Variants in PALD1 observed in about 807,000 individuals in gnomAD.
The protein encoded by PALD1 is phosphatase domain containing paladin 1.
A neutral mutation model predicts 96.0 loss-of-function variants in PALD1; 57 were observed. The ratio of observed to expected loss-of-function variants is 0.59; its 90% CI spans 0.48 to 0.74. PALD1 has a LOEUF of 0.74. PALD1 is among the 30% of genes least tolerant of loss of function. The probability of loss-of-function intolerance (pLI) is 0.00; values close to 1 mark genes in which losing one functional copy is unlikely to be tolerated. For synonymous variants in PALD1, 464 were observed against 473.6 expected (o/e 0.98, Z 0.26); for missense variants, 1,063 against 1,143.7 (o/e 0.93, Z 1.02).
At chr10:70,543,071 T>C (rs1295741424) in intron 17 of PALD1, among the ~76,000 whole-genome samples, 4 of 151,700 alleles carry the variant, frequency 2.6e-5, no homozygotes, top group Non-Finnish European at 5.9e-5. Flanking sequence ...GTTTTTTTTT[T>C]TTTTTTTTGG....
rs200519824 is a variant in PALD1 at position 70,537,278 on chromosome 10, A to AT, written c.1228-526dup. On this transcript the variant is annotated intron_variant, in intron 10 of 19. Transcript: ENST00000263563. ...ATGTGCCACCATGCCTAATTTTTGTATTTTTTTATAGAGATGGGGTTTTGC... is the reference window on the plus strand; with the variant it reads ...ATGTGCCACCATGCCTAATTTTTGTATTTTTTTTATAGAGATGGGGTTTTGC... 2.7e-3 allele frequency among the ~76,000 whole-genome samples: 414 copies of AT among 151,964 alleles called. 10 individuals are homozygous for AT. In the East Asian group the frequency reaches 0.05, roughly 18 times the overall value.
chr10:70,565,641 G>A (rs1847830720), intron 19 of PALD1, among the ~76,000 whole-genome samples: 1 of 152,162 alleles, frequency 6.6e-6, no homozygotes, highest in Non-Finnish European at 1.5e-5. Flanking sequence ...GCCTTGGGAC[G>A]TCAGGTGGAG....
chr10:70,475,134 AGGAGACTT>A (rs2132242766), upstream of PALD1, among the ~76,000 whole-genome samples: 1 of 152,356 alleles, frequency 6.6e-6, no homozygotes, highest in East Asian at 1.9e-4. Context: ...TTTACAAATG[AGGAGACTT>A]GGAGCAATGT....
upstream of PALD1, among the ~76,000 whole-genome samples, chr10:70,474,914 A>G (rs1301292064): frequency 6.6e-6 from 1 of 152,128 alleles, no homozygotes; most frequent in Non-Finnish European, 1.5e-5. Context: ...CAGATAGGGG[A>G]GGAGTCCAAG....
intron 10 of PALD1, among the ~76,000 whole-genome samples, chr10:70,535,432 T>C (rs1847090551): frequency 1.1e-5 from 1 of 87,328 alleles, no homozygotes; most frequent in South Asian, 4.9e-4. Flanking sequence ...CCCTTCCTCC[T>C]CCCCCCGCTT....
chr10:70,507,791 G>GTGTGTGTGT (rs1589184142), intron 1 of PALD1, among the ~76,000 whole-genome samples: 1 of 142,288 alleles, frequency 7.0e-6, no homozygotes, highest in Non-Finnish European at 1.5e-5. Flanking sequence ...GTGTGTGTGT[G>GTGTGTGTGT]GTGTATGTAT....
intron 4 of PALD1, among the ~76,000 whole-genome samples, chr10:70,530,409 C>G (rs1052662746): frequency 3.3e-5 from 5 of 152,318 alleles, no homozygotes; most frequent in African/African-American, 1.2e-4. Context: ...TCACAGCTAA[C>G]ACTTAAGTCC....
At chr10:70,504,497 T>C (rs536093973) in intron 1 of PALD1, among the ~76,000 whole-genome samples, 47 of 152,376 alleles carry the variant, frequency 3.1e-4, no homozygotes, top group African/African-American at 1.1e-3. Context: ...CACTCCAGCC[T>C]GGGTGACAGA....
intron 1 of PALD1, chr10:70,486,146 C>A: frequency 4.8e-6 from 1 of 207,364 alleles, no homozygotes; most frequent in South Asian, 9.7e-5. Flanking sequence ...CTTTGAAAAT[C>A]AGGAGGCAGG....
Position 70,547,453 on chromosome 10 carries a change from C to A in PALD1, c.2262+7C>A. ...CATCTGCACCTACCGCCAGGTGAGC[C>A]CCCACCCCACCCCACCCCACCCTGC... On this transcript the variant is annotated splice_region_variant and intron_variant, in intron 18 of 19. Transcript: ENST00000263563. The A allele has an allele frequency of 7.6e-6, 11 of 1,452,928 alleles. No homozygotes were observed. The highest frequency in any genetic ancestry group is 8.4e-6 in the Non-Finnish European group (9 of 1,070,308). 90.0% of individuals were successfully genotyped at this position (1,452,928 alleles called of 1,614,324 possible).
In PALD1 at chr10:70,532,634, C is replaced by T. The variant is rs773025697; in HGVS notation, c.647C>T (p.Ala216Val). 1.9e-6 allele frequency: 3 copies of T among 1,614,038 alleles called. No individual in the cohort carries two copies. Among genetic ancestry groups the T allele is most frequent in the Non-Finnish European group, 2.5e-6 (3 of 1,179,934 alleles). The change falls in exon 6 of 20, where the codon GCC becomes GTC. Residue 216 changes from alanine (A) to valine (V), a missense_variant. Coordinates refer to ENST00000263563, the MANE Select transcript of PALD1 (RefSeq NM_014431.3). ...LAIRKEIHDF[A>V]QLSENTYHVY... ...ACCTCCCTCTAGATCCACGACTTTG[C>T]CCAGCTGAGCGAGAACACATACCAT...
chr10:70,521,485 G>A (rs1303516971), intron 1 of PALD1, among the ~76,000 whole-genome samples: 3 of 152,124 alleles, frequency 2.0e-5, no homozygotes, highest in Non-Finnish European at 4.4e-5. Flanking sequence ...ATGGAAGAGG[G>A]CCTGTGTTTG....
In PALD1 at chr10:70,568,251, G is replaced by A. The variant is rs1367165241; in HGVS notation, c.*1518G>A. 2 of 152,780 alleles carry A rather than the reference G, an allele frequency of 1.3e-5. No homozygotes were observed. The highest frequency in any genetic ancestry group is 6.5e-5 in the Admixed American group (1 of 15,278). The allele number at this position is 152,780 out of a possible 1,614,324, so 9.5% of individuals were successfully genotyped here. On this transcript the variant is annotated 3_prime_UTR_variant, in exon 20 of 20. Transcript: ENST00000263563. ...GGGACTGAATGGGGAGGGATCCTTT[G>A]TGTTCTCATGGTTGGCTCTGACTTT...
the PALD1 span, among the ~76,000 whole-genome samples, chr10:70,463,089 A>G: frequency 6.6e-6 from 1 of 152,168 alleles, no homozygotes; most frequent in Non-Finnish European, 1.5e-5. Flanking sequence ...GTCTCTCTCG[A>G]ATGTTTGTGG....
the PALD1 span, among the ~76,000 whole-genome samples, chr10:70,467,473 G>C: frequency 6.6e-6 from 1 of 152,162 alleles, no homozygotes; most frequent in African/African-American, 2.4e-5. Context: ...CCACTGAGAA[G>C]TGGATGTCGG....
Position 70,537,794 on chromosome 10 carries a change from C to G in PALD1, c.1228-17C>G, listed in dbSNP as rs1321390434. On this transcript the variant is annotated splice_polypyrimidine_tract_variant and intron_variant, in intron 10 of 19. Transcript: ENST00000263563. Reference sequence around the variant, plus strand: ...TGCCTGAGGAGTCTGTCCTTAACACCCTGTCCTCTCTCTCAGGGAAGCGGC... The same window carrying G: ...TGCCTGAGGAGTCTGTCCTTAACACGCTGTCCTCTCTCTCAGGGAAGCGGC... The G allele has an allele frequency of 3.8e-6, 6 of 1,587,152 alleles. No individual in the cohort carries two copies. The African/African-American group carries it at 5.4e-5, about 14-fold the overall frequency.
In PALD1 at chr10:70,515,635, A is replaced by T. The variant is rs774777846; in HGVS notation, c.-29-10288A>T. ...GAGGTCAGGGCAGATGAGGAGTTGG[A>T]GCCCTCGCTGTGCTGTGTGTCGGGC... On this transcript the variant is annotated intron_variant, in intron 1 of 19. Transcript: ENST00000263563. 3.3e-5 allele frequency among the ~76,000 whole-genome samples: 5 copies of T among 152,242 alleles called. No homozygotes were observed. The South Asian group carries it at 6.2e-4, about 19-fold the overall frequency.
rs1845961784 is a variant in PALD1 at position 70,483,123 on chromosome 10, T to C, written c.-30+4064T>C. Among the ~76,000 whole-genome samples the C allele has an allele frequency of 2.0e-5, 3 of 152,092 alleles. No individual in the cohort carries two copies. The South Asian group carries it at 6.2e-4, about 32-fold the overall frequency. ...TCTGTGATGGGGTCTGTGCTAGTTATGGTTGGAGCCTGAGGGAGGGAATGG... is the reference window on the plus strand; with the variant it reads ...TCTGTGATGGGGTCTGTGCTAGTTACGGTTGGAGCCTGAGGGAGGGAATGG... On this transcript the variant is annotated intron_variant, in intron 1 of 19. Transcript: ENST00000263563.
At chr10:70,472,747 C>G in the PALD1 span, among the ~76,000 whole-genome samples, 1 of 152,002 alleles carries the variant, frequency 6.6e-6, no homozygotes, top group Admixed American at 6.6e-5. Flanking sequence ...ACCTTTCTGA[C>G]GGCAGTAGTG....
Sources: allele counts gnomAD v4.1 joint callset (sites outside exome capture counted in the v4.1 genomes callset), GRCh38; gene constraint gnomAD v4.1.1; transcripts MANE v1.5; gene names NCBI Gene and HGNC (gene_info 2026-07-23, HGNC 2026-07-21).